GTF2A1L: variants seen among roughly 807,000 people sequenced by gnomAD.
GTF2A1L encodes the protein TFIIA-alpha and beta-like factor.
GTF2A1L carries 48 observed loss-of-function variants against 49.7 expected under a neutral mutation model. That is an observed-to-expected ratio of 0.97 (90% CI 0.77 to 1.23). The LOEUF (loss-of-function observed/expected upper bound fraction) is 1.23. Among genes scored for constraint, GTF2A1L ranks in the 50% most tolerant of loss-of-function variants. GTF2A1L has a pLI of 0.00. For missense variants in GTF2A1L, 736 were observed against 564.8 expected, an observed-to-expected ratio of 1.30 and a Z score of -3.07; for synonymous variants, 246 against 193.5, an observed-to-expected ratio of 1.27 and a Z score of -2.25.
intron 3 of GTF2A1L, among the ~76,000 whole-genome samples, chr2:48,631,686 A>G (rs1380158677): frequency 2.0e-5 from 3 of 151,696 alleles, no homozygotes; most frequent in Non-Finnish European, 4.4e-5. Context: ...GATTGTAGTT[A>G]TTTCTTTTCA....
intron 4 of GTF2A1L, 80 bp downstream of exon 4, chr2:48,642,537 T>C (rs548977376): frequency 4.5e-5 from 60 of 1,328,432 alleles, no homozygotes; most frequent in Admixed American, 1.4e-4. Flanking sequence ...AACATAGATG[T>C]AATTTCTTAC....
At chr2:48,660,095 T>TA (rs59647970) in intron 6 of GTF2A1L, among the ~76,000 whole-genome samples, 1 of 151,982 alleles carries the variant, frequency 6.6e-6, no homozygotes. Flanking sequence ...TCAGTATGAT[T>TA]TTTTTTTTAT....
chr2:48,657,546 T>A (rs535163470), intron 6 of GTF2A1L, among the ~76,000 whole-genome samples: 5 of 152,324 alleles, frequency 3.3e-5, no homozygotes, highest in African/African-American at 1.2e-4. Context: ...CTATTGTGAA[T>A]AGTACTTCAA....
chr2:48,666,922 C>T lies in GTF2A1L; in HGVS notation c.979-2800C>T, dbSNP rs369917305. Among the ~76,000 whole-genome samples the T allele has an allele frequency of 2.8e-4, 42 of 151,838 alleles. 1 individual carries two copies. The South Asian group carries it at 8.8e-3, about 32-fold the overall frequency. ...TCTAACTGTCTCTGAGTCTGGTTCT[C>T]TTGATTGCTTTGCAGTGTGATGGTT... is the stretch of plus-strand genomic sequence containing the variant. On this transcript the variant is annotated intron_variant, in intron 6 of 8. Coordinates refer to ENST00000403751, the MANE Select transcript of GTF2A1L (RefSeq NM_006872.5).
At chr2:48,624,697 T>A (rs1411082206) in intron 3 of GTF2A1L, among the ~76,000 whole-genome samples, 5 of 143,920 alleles carry the variant, frequency 3.5e-5, no homozygotes, top group African/African-American at 1.2e-4. Context: ...TTCACCTACA[T>A]CTTCTTATTT....
At chr2:48,649,757 C>T (rs2104216206) in intron 6 of GTF2A1L, among the ~76,000 whole-genome samples, 1 of 152,244 alleles carries the variant, frequency 6.6e-6, no homozygotes, top group African/African-American at 2.4e-5. Context: ...CTGCCCTTCA[C>T]CTATAATAAA....
In GTF2A1L at chr2:48,624,852, A is replaced by G. The variant is rs918352126; in HGVS notation, c.247+3562A>G. Among the ~76,000 whole-genome samples, 11 of 142,626 alleles carry G rather than the reference A, an allele frequency of 7.7e-5. 2 individuals are homozygous for G. Among genetic ancestry groups the G allele is most frequent in the East Asian group, 5.9e-4 (3 of 5,114 alleles). The allele number at this position is 142,626 out of a possible 152,430, so 93.6% of individuals were successfully genotyped here. On this transcript the variant is annotated intron_variant, in intron 3 of 8. Transcript: ENST00000403751. ...ACTTAGTATAATGTCCTTCAGTTTC[A>G]TCTATGTTGTGACAAATGGCAGACT...
At chr2:48,648,733 A>C (rs992855500) in intron 6 of GTF2A1L, among the ~76,000 whole-genome samples, 2 of 152,140 alleles carry the variant, frequency 1.3e-5, no homozygotes, top group Admixed American at 6.5e-5. Context: ...TAGTGCTATT[A>C]TGCTCTATGA....
Position 48,620,961 on chromosome 2 carries a change from C to T in GTF2A1L, c.123+9C>T. On this transcript the variant is annotated intron_variant, in intron 2 of 8. Transcript: ENST00000403751. Reference sequence around the variant, plus strand: ...TAAAAGACTTGAAGCAGGTTTGTAGCCGATACAACTTTTTCTTCCTGTCTT... The same window carrying T: ...TAAAAGACTTGAAGCAGGTTTGTAGTCGATACAACTTTTTCTTCCTGTCTT... 1.3e-6 allele frequency: 2 copies of T among 1,589,716 alleles called. No homozygotes were observed. Among genetic ancestry groups the T allele is most frequent in the Non-Finnish European group, 1.7e-6 (2 of 1,172,472 alleles).
chr2:48,643,188 A>G (rs1677298298), intron 4 of GTF2A1L, among the ~76,000 whole-genome samples: 1 of 152,036 alleles, frequency 6.6e-6, no homozygotes, highest in Non-Finnish European at 1.5e-5. Context: ...TATTTTTGTC[A>G]TTTTGTACCT....
At chr2:48,617,982 C>CTG in intron 1 of GTF2A1L, 87 bp downstream of exon 1, 1 of 1,332,224 alleles carries the variant, frequency 7.5e-7, no homozygotes, top group Admixed American at 2.1e-5. Flanking sequence ...TTGTTTCCCC[C>CTG]TGACACTTTA....
chr2:48,622,831 C>G (rs1676081523), intron 3 of GTF2A1L, among the ~76,000 whole-genome samples: 1 of 120,740 alleles, frequency 8.3e-6, no homozygotes, highest in Non-Finnish European at 1.7e-5. Flanking sequence ...GAGACTCCAT[C>G]TTAAAAAAAA....
chr2:48,665,367 G>C (rs922917130), intron 6 of GTF2A1L, among the ~76,000 whole-genome samples: 2 of 144,276 alleles, frequency 1.4e-5, no homozygotes, highest in South Asian at 2.2e-4. Context: ...GTTTACTTTG[G>C]ACTTATTTTG....
chr2:48,620,852 C>T lies in GTF2A1L; in HGVS notation c.23C>T (p.Pro8Leu), dbSNP rs1375844426. Residue 8 changes from proline (P) to leucine (L), a missense_variant and splice_region_variant, in exon 2 of 9, where the codon CCT becomes CTT. Transcript: ENST00000403751. ...ACTTTAACAATTGCTTTTATGTAGC[C>T]TAAACTCTACAGATCTGTAATTGAA... MACLNPV[P>L]KLYRSVIEDV... The T allele has an allele frequency of 2.7e-6, 4 of 1,474,292 alleles. No homozygotes were observed. In the African/African-American group the frequency reaches 4.3e-5, roughly 16 times the overall value. 91.3% of individuals were successfully genotyped at this position (1,474,292 alleles called of 1,614,324 possible).
chr2:48,648,023 A>G (rs1267848855), intron 6 of GTF2A1L, among the ~76,000 whole-genome samples: 1 of 152,150 alleles, frequency 6.6e-6, no homozygotes, highest in Non-Finnish European at 1.5e-5. Context: ...TTAATATTTT[A>G]TCTTCATGAT....
intron 6 of GTF2A1L, among the ~76,000 whole-genome samples, chr2:48,647,531 A>G (rs1391674978): frequency 6.6e-6 from 1 of 152,064 alleles, no homozygotes; most frequent in Non-Finnish European, 1.5e-5. Flanking sequence ...TAGTTTGTGG[A>G]ATGTTTTGAG....
intron 3 of GTF2A1L, among the ~76,000 whole-genome samples, chr2:48,639,146 A>G (rs1572717672): frequency 6.6e-6 from 1 of 152,224 alleles, no homozygotes; most frequent in Non-Finnish European, 1.5e-5. Flanking sequence ...TACAGATGCA[A>G]TGCTATTCCT....
At chr2:48,652,414 G>A (rs1482171827) in intron 6 of GTF2A1L, among the ~76,000 whole-genome samples, 1 of 151,892 alleles carries the variant, frequency 6.6e-6, no homozygotes, top group Admixed American at 6.6e-5. Flanking sequence ...TTAGGAGTTC[G>A]AGACCAGCCT....
intron 6 of GTF2A1L, 185 bp downstream of exon 6, chr2:48,647,227 A>G (rs1572732901): frequency 1.9e-6 from 1 of 535,406 alleles, no homozygotes; most frequent in East Asian, 3.3e-5. Context: ...TACACGTAAC[A>G]TAAAGTTTAC....
Sources: allele counts gnomAD v4.1 joint callset (sites outside exome capture counted in the v4.1 genomes callset), GRCh38; gene constraint gnomAD v4.1.1; transcripts MANE v1.5; gene names NCBI Gene and HGNC (gene_info 2026-07-23, HGNC 2026-07-21).